The following VAMP7 variants were observed in gnomAD, a reference collection of about 807,000 sequenced individuals.
VAMP7 encodes the protein vesicle-associated membrane protein 7.
A neutral mutation model predicts 29.6 loss-of-function variants in VAMP7; 14 were observed. That is an observed-to-expected ratio of 0.47 (90% CI 0.31 to 0.74). The LOEUF (loss-of-function observed/expected upper bound fraction) is 0.74, where lower values mean the gene tolerates loss of function less well. VAMP7 is among the 30% of genes least tolerant of loss of function. VAMP7 has a pLI of 0.05. For missense variants in VAMP7, 223 were observed against 262.4 expected, an observed-to-expected ratio of 0.85 and a Z score of 1.04; for synonymous variants, 95 against 88.1, an observed-to-expected ratio of 1.08 and a Z score of -0.44.
At position 155,911,508 on chromosome X, in the gene VAMP7, T is replaced by C. The variant is rs777641095; in HGVS notation, c.434-8305T>C. 8.5e-5 allele frequency among the ~76,000 whole-genome samples: 13 copies of C among 152,258 alleles called. No individual in the cohort carries two copies. The East Asian group carries it at 2.5e-3, about 29-fold the overall frequency. On this transcript the variant is annotated intron_variant, in intron 5 of 7. Coordinates refer to ENST00000286448, the MANE Select transcript of VAMP7 (RefSeq NM_005638.6). ...GTGAAAAATGACATTGGTACTTCGATAGAGATTGCATTGAATCTGTAGATT... is the reference window on the plus strand; with the variant it reads ...GTGAAAAATGACATTGGTACTTCGACAGAGATTGCATTGAATCTGTAGATT...
intron 6 of VAMP7, among the ~76,000 whole-genome samples, chrX:155,926,655 T>C (rs765800722): frequency 6.6e-6 from 1 of 152,340 alleles, no homozygotes; most frequent in Non-Finnish European, 1.5e-5. Context: ...GCACTCCTGA[T>C]TTCCTTCAAG....
intron 6 of VAMP7, among the ~76,000 whole-genome samples, chrX:155,935,758 T>C (rs1441022612): frequency 6.6e-6 from 1 of 152,194 alleles, no homozygotes; most frequent in Non-Finnish European, 1.5e-5. Context: ...CTGCGTTCCT[T>C]TGGAGGAGGA....
chrX:155,886,288 C>A (rs2065864593), intron 1 of VAMP7, among the ~76,000 whole-genome samples: 1 of 152,092 alleles, frequency 6.6e-6, no homozygotes, highest in African/African-American at 2.4e-5. Flanking sequence ...GATTCTATTA[C>A]AAGACACTTA....
chrX:155,886,830 G>A (rs1415053622), intron 1 of VAMP7, among the ~76,000 whole-genome samples: 2 of 152,054 alleles, frequency 1.3e-5, no homozygotes, highest in African/African-American at 4.8e-5. Context: ...AAGCAATATC[G>A]CATACCGTTG....
intron 5 of VAMP7, among the ~76,000 whole-genome samples, chrX:155,915,227 AT>A (rs2066294109): frequency 6.6e-6 from 1 of 151,656 alleles, no homozygotes; most frequent in Non-Finnish European, 1.5e-5. Context: ...ATCATTTTTT[AT>A]TGTTTCTATT....
intron 4 of VAMP7, 28 bp from the exon 5 acceptor site, chrX:155,900,469 C>A: frequency 1.3e-6 from 2 of 1,532,290 alleles, no homozygotes; most frequent in Non-Finnish European, 8.9e-7. Flanking sequence ...TGTCTAGGTA[C>A]CATAAGTTAA....
rs755030081 is a variant in VAMP7 at position 155,938,668 on chromosome X, G to A, written c.502-1033G>A. On this transcript the variant is annotated intron_variant, in intron 6 of 7. Coordinates refer to ENST00000286448, the MANE Select transcript of VAMP7 (RefSeq NM_005638.6). ...CACATAGATTAATAAAACATAGCAG[G>A]GGCCGAGAGTGGTGGCACACACCTA... Among the ~76,000 whole-genome samples, 175 of 152,128 alleles carry A rather than the reference G, an allele frequency of 1.2e-3. 1 individual carries two copies. The highest frequency in any genetic ancestry group is 4.1e-3 in the African/African-American group (169 of 41,520).
intron 6 of VAMP7, among the ~76,000 whole-genome samples, chrX:155,927,481 CAAAAAAAAAAAA>C (rs531998416): frequency 0.68 from 76,487 of 111,854 alleles, 23,207 homozygotes; most frequent in East Asian, 0.74. Context: ...TTCGATTTGC[CAAAAAAAAAAAA>C]AAAAAAAAAA....
intron 6 of VAMP7, among the ~76,000 whole-genome samples, chrX:155,928,312 T>C (rs2066500032): frequency 6.6e-6 from 1 of 152,166 alleles, no homozygotes. Context: ...CTATCACAAA[T>C]TATCACAAAC....
rs770064769 is a variant in VAMP7, at chrX:155,892,910, G to A, written c.147-2713G>A. ...TGGGATGACAGGCGTGTGCCACCACGCCTGGCTAATTTTTGTATTTTTAGT... is the reference window on the plus strand; with the variant it reads ...TGGGATGACAGGCGTGTGCCACCACACCTGGCTAATTTTTGTATTTTTAGT... On this transcript the variant is annotated intron_variant, in intron 2 of 7. Transcript: ENST00000286448. Among the ~76,000 whole-genome samples the A allele has an allele frequency of 9.2e-5, 14 of 151,834 alleles. No individual in the cohort carries two copies. The East Asian group carries it at 1.6e-3, about 17-fold the overall frequency.
chrX:155,918,897 C>T (rs2124345790), intron 5 of VAMP7, among the ~76,000 whole-genome samples: 1 of 152,288 alleles, frequency 6.6e-6, no homozygotes, highest in African/African-American at 2.4e-5. Context: ...GATTTGCATG[C>T]ATTGAATCAT....
At chrX:155,927,403 A>T (rs1197024711) in intron 6 of VAMP7, among the ~76,000 whole-genome samples, 17 of 103,402 alleles carry the variant, frequency 1.6e-4, no homozygotes, top group Non-Finnish European at 4.0e-5. Flanking sequence ...GTGCAGGCCA[A>T]GCAGGAAAAA....
intron 5 of VAMP7, among the ~76,000 whole-genome samples, chrX:155,908,365 C>T (rs1316241660): frequency 2.0e-5 from 3 of 152,158 alleles, no homozygotes; most frequent in South Asian, 2.1e-4. Flanking sequence ...GAGACCAGCC[C>T]GGCCAACACA....
intron 5 of VAMP7, among the ~76,000 whole-genome samples, chrX:155,904,122 G>A (rs770948321): frequency 7.4e-4 from 108 of 146,686 alleles, no homozygotes; most frequent in African/African-American, 2.6e-3. Context: ...ACCAAACACC[G>A]CATGTTCTCA....
At chrX:155,900,637 T>A in intron 5 of VAMP7, 50 bp downstream of exon 5, 1 of 1,492,994 alleles carries the variant, frequency 6.7e-7, no homozygotes, top group Non-Finnish European at 9.2e-7. Flanking sequence ...TGATAAAGAT[T>A]ACTTGACTGG....
At chrX:155,892,037 C>A (rs181910571) in intron 2 of VAMP7, among the ~76,000 whole-genome samples, 1 of 152,210 alleles carries the variant, frequency 6.6e-6, no homozygotes, top group East Asian at 1.9e-4. Context: ...ATCTTCCACT[C>A]ATGTATTATG....
intron 2 of VAMP7, among the ~76,000 whole-genome samples, chrX:155,895,107 C>T (rs1194222449): frequency 6.6e-6 from 1 of 152,162 alleles, no homozygotes; most frequent in Non-Finnish European, 1.5e-5. Context: ...CCATGCTGCA[C>T]TGTAATTCCT....
intron 5 of VAMP7, among the ~76,000 whole-genome samples, chrX:155,914,268 C>T (rs2066279606): frequency 6.6e-6 from 1 of 152,124 alleles, no homozygotes; most frequent in African/African-American, 2.4e-5. Flanking sequence ...TGGGCTGAGA[C>T]AATGGGGTTT....
intron 3 of VAMP7, 59 bp downstream of exon 3, chrX:155,895,739 C>CT: frequency 6.7e-7 from 1 of 1,495,438 alleles, no homozygotes; most frequent in Admixed American, 1.7e-5. Flanking sequence ...ACAGCCAGTT[C>CT]TTAATTATCT....
Sources: allele counts gnomAD v4.1 joint callset (sites outside exome capture counted in the v4.1 genomes callset), GRCh38; gene constraint gnomAD v4.1.1; transcripts MANE v1.5; gene names NCBI Gene and HGNC (gene_info 2026-07-23, HGNC 2026-07-21).